Variants in RAD1 observed in about 807,000 individuals in gnomAD.
The protein encoded by RAD1 is RAD1 checkpoint DNA exonuclease, also known as cell cycle checkpoint protein RAD1.
RAD1 carries 21 observed loss-of-function variants against 30.0 expected under a neutral mutation model. The observed-to-expected ratio is 0.70, with a 90% CI of 0.50 to 1.01. The LOEUF (loss-of-function observed/expected upper bound fraction) is 1.01, where lower values mean the gene tolerates loss of function less well. Ranked by LOEUF, RAD1 falls within the 50% of genes least tolerant of loss-of-function variation. The probability of loss-of-function intolerance (pLI) is 0.00; values close to 1 mark genes in which losing one functional copy is unlikely to be tolerated. For synonymous variants in RAD1, 109 were observed against 113.6 expected, an observed-to-expected ratio of 0.96 and a Z score of 0.26; for missense variants, 329 against 329.0, an observed-to-expected ratio of 1.00 and a Z score of 0.00.
intron 2 of RAD1, 149 bp downstream of exon 2, chr5:34,914,544 TAA>T (rs1482602511): frequency 9.4e-6 from 7 of 747,192 alleles, no homozygotes; most frequent in African/African-American, 8.9e-5. Flanking sequence ...TTCTCTAACT[TAA>T]GACTATTATT....
chr5:34,909,785 C>A (rs1173693234), intron 4 of RAD1, among the ~76,000 whole-genome samples: 1 of 152,176 alleles, frequency 6.6e-6, no homozygotes. Context: ...AAGGCTATTG[C>A]ATGGTTTTCC....
intron 4 of RAD1, among the ~76,000 whole-genome samples, chr5:34,910,432 CTTTTTT>C (rs566311796): frequency 7.0e-6 from 1 of 143,826 alleles, no homozygotes; most frequent in Admixed American, 7.0e-5. Context: ...TTTTTCTTTT[CTTTTTT>C]TTTTTTTGAG....
chr5:34,914,697 G>T lies in RAD1; in HGVS notation c.196C>A (p.Gln66Lys). 6.2e-7 allele frequency: 1 copy of T among 1,614,104 alleles called. No individual in the cohort carries two copies. The highest frequency in any genetic ancestry group is 1.1e-5 in the South Asian group (1 of 91,068). ...CTTAAAGGCGCCTACTTCCATACCTGAATAAAAGCATTTGCTTGCACACAC... is the reference window on the plus strand; with the variant it reads ...CTTAAAGGCGCCTACTTCCATACCTTAATAAAAGCATTTGCTTGCACACAC... ...AKCVQANAFI[Q>K]AGIFQEFKVQ... is the part of the protein sequence containing the mutation. Residue 66 changes from glutamine (Q) to lysine (K), a missense_variant and splice_region_variant, in exon 2 of 6, where the codon CAG (glutamine) becomes AAG (lysine). Coordinates refer to ENST00000382038, the MANE Select transcript of RAD1 (RefSeq NM_002853.4).
At chr5:34,909,133 T>G in intron 5 of RAD1, 125 bp downstream of exon 5, 1 of 911,384 alleles carries the variant, frequency 1.1e-6, no homozygotes, top group East Asian at 2.6e-5. Flanking sequence ...TCCAGCACTC[T>G]ACTATTCATT....
intron 2 of RAD1, chr5:34,914,006 G>C (rs1008885209): frequency 4.4e-6 from 2 of 456,604 alleles, no homozygotes; most frequent in Admixed American, 2.3e-5. Flanking sequence ...AAATACAGGT[G>C]TGAGCCACCA....
At chr5:34,911,332 T>G (rs1038337736) in intron 4 of RAD1, among the ~76,000 whole-genome samples, 4 of 152,172 alleles carry the variant, frequency 2.6e-5, no homozygotes, top group African/African-American at 9.7e-5. Context: ...GGACTGGGCT[T>G]CTCATCTAGA....
chr5:34,912,689 A>G (rs990920128), intron 3 of RAD1, among the ~76,000 whole-genome samples: 1 of 152,148 alleles, frequency 6.6e-6, no homozygotes, highest in East Asian at 1.9e-4. Flanking sequence ...CAAATAAAAA[A>G]ATATATATTT....
chr5:34,908,979 T>G (rs755383175), intron 5 of RAD1, 31 bp from the exon 6 acceptor site: 2 of 1,559,478 alleles, frequency 1.3e-6, no homozygotes, highest in African/African-American at 1.4e-5. Flanking sequence ...CGCTGTTATA[T>G]CAACACAGTG....
intron 2 of RAD1, among the ~76,000 whole-genome samples, chr5:34,914,285 G>A (rs1763963968): frequency 6.6e-6 from 1 of 152,198 alleles, no homozygotes; most frequent in Non-Finnish European, 1.5e-5. Context: ...CCACTTACCA[G>A]CTGTGGGACT....
chr5:34,911,032 C>T (rs887344760), intron 4 of RAD1, among the ~76,000 whole-genome samples: 1 of 152,182 alleles, frequency 6.6e-6, no homozygotes, highest in Non-Finnish European at 1.5e-5. Context: ...TATCTTGGTA[C>T]TTAATGGTTT....
At position 34,909,300 on chromosome 5, in the gene RAD1, T is replaced by TC; in HGVS notation, c.622dup (p.Asp208GlyfsTer9). 1 of 1,611,638 alleles carries TC rather than the reference T, an allele frequency of 6.2e-7. No homozygotes were observed. The highest frequency in any genetic ancestry group is 1.1e-5 in the South Asian group (1 of 90,904). On this transcript the variant is annotated frameshift_variant, in exon 5 of 6. Coordinates refer to ENST00000382038, the MANE Select transcript of RAD1 (RefSeq NM_002853.4). LOFTEE classifies it high-confidence loss of function. ...ATTACAATGAAATGCTTCCATCAAA[T>TC]CAGAATCTTTGGGATAGTCAAGGTG...
intron 2 of RAD1, 150 bp downstream of exon 2, chr5:34,914,545 A>T: frequency 1.3e-6 from 1 of 745,504 alleles, no homozygotes; most frequent in Non-Finnish European, 2.1e-6. Context: ...TCTCTAACTT[A>T]AGACTATTAT....
In RAD1 at chr5:34,907,490, AT is replaced by A. The variant is rs1177259089; in HGVS notation, c.*1274del. The A allele has an allele frequency of 6.6e-6, 1 of 152,054 alleles. No individual in the cohort carries two copies. Among genetic ancestry groups the A allele is most frequent in the African/African-American group, 2.4e-5 (1 of 41,442 alleles). The allele number at this position is 152,054 out of a possible 1,614,324, so 9.4% of individuals were successfully genotyped here. On this transcript the variant is annotated 3_prime_UTR_variant, in exon 6 of 6. Transcript: ENST00000382038. The stretch of plus-strand genomic sequence containing the variant: ...ACAGAAGCTTCACTTTACTCATGTA[AT>A]TTTTTCTACTAGACAGGAAGATAAT...
rs1763726831 is a variant in RAD1 at position 34,908,633 on chromosome 5, C to T, written c.*132G>A. 4.0e-6 allele frequency: 3 copies of T among 750,064 alleles called. No homozygotes were observed. The highest frequency in any genetic ancestry group is 6.5e-6 in the Non-Finnish European group (3 of 462,618). 46.5% of individuals were successfully genotyped at this position (750,064 alleles called of 1,614,324 possible). A position where few individuals can be genotyped will look rare whatever the true frequency, so the allele number is the denominator to read the frequency against. On this transcript the variant is annotated 3_prime_UTR_variant, in exon 6 of 6. Coordinates refer to ENST00000382038, the MANE Select transcript of RAD1 (RefSeq NM_002853.4). Reference sequence around the variant, plus strand: ...ACATAGTAACTATTAGGGTACATGACCTTGCTCCTATCTTCCCCATTGTGC... The same window carrying T: ...ACATAGTAACTATTAGGGTACATGATCTTGCTCCTATCTTCCCCATTGTGC...
At chr5:34,911,062 G>A (rs894600249) in intron 4 of RAD1, among the ~76,000 whole-genome samples, 3 of 152,116 alleles carry the variant, frequency 2.0e-5, no homozygotes, top group African/African-American at 7.2e-5. Flanking sequence ...CATTTTCTTG[G>A]CTTCACCTTG....
chr5:34,915,502 A>C lies in RAD1; in HGVS notation c.-156T>G. Reference sequence around the variant, plus strand: ...GGCGGCTCCGAGGAACCGCGGAGGAAGTGAAGCCAGTCCCGCCACTCTTCA... The same window carrying C: ...GGCGGCTCCGAGGAACCGCGGAGGACGTGAAGCCAGTCCCGCCACTCTTCA... On this transcript the variant is annotated 5_prime_UTR_variant, in exon 1 of 6. Coordinates refer to ENST00000382038, the MANE Select transcript of RAD1 (RefSeq NM_002853.4). The C allele has an allele frequency of 9.1e-6, 4 of 440,752 alleles. No individual in the cohort carries two copies. Among genetic ancestry groups the C allele is most frequent in the Non-Finnish European group, 1.2e-5 (3 of 250,440 alleles). The allele number at this position is 440,752 out of a possible 1,614,324, so 27.3% of individuals were successfully genotyped here.
intron 2 of RAD1, 91 bp downstream of exon 2, chr5:34,914,601 CTAT>C: frequency 8.7e-7 from 1 of 1,153,980 alleles, no homozygotes. Flanking sequence ...GTTATTATGA[CTAT>C]TAAGTTATTT....
At chr5:34,910,733 G>A (rs916398219) in intron 4 of RAD1, among the ~76,000 whole-genome samples, 3 of 151,864 alleles carry the variant, frequency 2.0e-5, no homozygotes, top group Admixed American at 2.0e-4. Context: ...TTTACAGCCG[G>A]GCCTGTAATT....
rs1763616140 is a variant in RAD1, at chr5:34,905,385, A to G, written c.*3380T>C. Reference sequence around the variant, plus strand: ...CCTACCCCACTGTTGAGAGTGCCACATTCTGCCCTTTTAGCAATTTTAATT... The same window carrying G: ...CCTACCCCACTGTTGAGAGTGCCACGTTCTGCCCTTTTAGCAATTTTAATT... On this transcript the variant is annotated 3_prime_UTR_variant, in exon 6 of 6. Transcript: ENST00000382038. 6.6e-6 allele frequency: 1 copy of G among 152,218 alleles called. No homozygotes were observed. Among genetic ancestry groups the G allele is most frequent in the Non-Finnish European group, 1.5e-5 (1 of 68,036 alleles). The allele number at this position is 152,218 out of a possible 1,614,324, so 9.4% of individuals were successfully genotyped here.
Sources: gnomAD v4.1 joint callset for allele counts (sites outside exome capture counted in the v4.1 genomes callset) on GRCh38, gnomAD v4.1.1 for gene constraint, MANE v1.5 for transcripts, NCBI Gene and HGNC (gene_info 2026-07-23, HGNC 2026-07-21) for gene names.